SLC15A5: variants seen among roughly 807,000 people sequenced by gnomAD.
The protein encoded by SLC15A5 is solute carrier family 15 member 5, also known as Peptide/histidine transporter ENSP00000340402.
In SLC15A5, 58 loss-of-function variants were observed where a neutral mutation model predicts 56.1. The ratio of observed to expected loss-of-function variants is 1.03; its 90% CI spans 0.84 to 1.29. The LOEUF is 1.29. SLC15A5 is among the 50% of genes most tolerant of loss of function. SLC15A5 has a pLI of 0.00. For synonymous variants in SLC15A5, 264 were observed against 250.5 expected (o/e 1.05, Z -0.51); for missense variants, 681 against 672.1 (o/e 1.01, Z -0.15).
At chr12:16,216,457 T>C (rs1864130336) in intron 7 of SLC15A5, among the ~76,000 whole-genome samples, 1 of 152,186 alleles carries the variant, frequency 6.6e-6, no homozygotes, top group Non-Finnish European at 1.5e-5. Context: ...TCATTTATTA[T>C]TCAATTCACA....
rs1292780441 is a variant in SLC15A5 at position 16,269,244 on chromosome 12, C to T, written c.584+3317G>A. 6.6e-6 allele frequency among the ~76,000 whole-genome samples: 1 copy of T among 152,114 alleles called. No individual in the cohort carries two copies. Among genetic ancestry groups the T allele is most frequent in the African/African-American group, 2.4e-5 (1 of 41,414 alleles). ...ACCTGTCCTCCCAGAAAATTCTGATCCAGGAGGTTCGAGGTGGGACCTGGG... is the reference window on the plus strand; with the variant it reads ...ACCTGTCCTCCCAGAAAATTCTGATTCAGGAGGTTCGAGGTGGGACCTGGG... On this transcript the variant is annotated intron_variant, in intron 2 of 8. Transcript: ENST00000344941. The surrounding 1 kb of genome is among the most constrained non-coding windows in gnomAD (Gnocchi z 4.7).
chr12:16,259,621 G>A (rs1864619245), intron 2 of SLC15A5, among the ~76,000 whole-genome samples: 1 of 152,174 alleles, frequency 6.6e-6, no homozygotes, highest in African/African-American at 2.4e-5. Flanking sequence ...CAGTTTGGTG[G>A]TCATGAACTT....
Position 16,242,596 on chromosome 12 carries a change from G to C in SLC15A5, c.975+1984C>G, listed in dbSNP as rs148059017. Reference sequence around the variant, plus strand: ...TTTTAGAAGCTATGGCACTTAATAGGTGATCAGTAACTATTAGTTTCTGTG... The same window carrying C: ...TTTTAGAAGCTATGGCACTTAATAGCTGATCAGTAACTATTAGTTTCTGTG... On this transcript the variant is annotated intron_variant, in intron 4 of 8. Transcript: ENST00000344941. Among the ~76,000 whole-genome samples, 95 of 152,272 alleles carry C rather than the reference G, an allele frequency of 6.2e-4. 1 individual carries two copies. The highest frequency in any genetic ancestry group is 2.1e-3 in the African/African-American group (87 of 41,558).
intron 7 of SLC15A5, among the ~76,000 whole-genome samples, chr12:16,201,038 T>C (rs1477752078): frequency 6.6e-6 from 1 of 152,154 alleles, no homozygotes; most frequent in African/African-American, 2.4e-5. Flanking sequence ...TAGTTACGCG[T>C]ATGCTATTTT....
At chr12:16,197,966 G>A (rs1366073554) in intron 7 of SLC15A5, among the ~76,000 whole-genome samples, 1 of 152,060 alleles carries the variant, frequency 6.6e-6, no homozygotes, top group Non-Finnish European at 1.5e-5. Context: ...GAAGACTTGA[G>A]GTCTAGAATG....
chr12:16,272,636 C>T lies in SLC15A5; in HGVS notation c.509G>A (p.Arg170Lys). The T allele has an allele frequency of 6.5e-7, 1 of 1,537,052 alleles. No individual in the cohort carries two copies. Among genetic ancestry groups the T allele is most frequent in the South Asian group, 1.2e-5 (1 of 84,056 alleles). ...LTICLGIGGV[R>K]AIVCPLGAFG... ...AGCACCCAGTGGACAGACGATGGCT[C>T]TTACGCCTCCAATGCCAAGGCAAAT... Residue 170 changes from arginine to lysine, a missense_variant, in exon 2 of 9, where the codon AGA becomes AAA. Coordinates refer to ENST00000344941, the MANE Select transcript of SLC15A5 (RefSeq NM_001170798.1).
intron 6 of SLC15A5, among the ~76,000 whole-genome samples, chr12:16,219,856 A>G (rs1864168845): frequency 6.6e-6 from 1 of 152,176 alleles, no homozygotes; most frequent in African/African-American, 2.4e-5. Flanking sequence ...CTATGAAGAC[A>G]CAATAAAAAA....
chr12:16,207,980 C>G (rs1040869956), intron 7 of SLC15A5, among the ~76,000 whole-genome samples: 28 of 152,084 alleles, frequency 1.8e-4, no homozygotes, highest in African/African-American at 6.5e-4. Context: ...CACTTGTCTT[C>G]TAAATCATCT....
chr12:16,198,548 C>T (rs1281772300), intron 7 of SLC15A5, among the ~76,000 whole-genome samples: 1 of 152,068 alleles, frequency 6.6e-6, no homozygotes, highest in Non-Finnish European at 1.5e-5. Flanking sequence ...TGCTGTAGTC[C>T]ACCTCTTGGT....
At chr12:16,232,782 G>A (rs1864310594) in intron 5 of SLC15A5, among the ~76,000 whole-genome samples, 1 of 152,054 alleles carries the variant, frequency 6.6e-6, no homozygotes, top group Non-Finnish European at 1.5e-5. Context: ...TGGGTGTGGT[G>A]GCACATAACT....
chr12:16,199,990 C>G (rs1429896704), intron 7 of SLC15A5, among the ~76,000 whole-genome samples: 1 of 151,860 alleles, frequency 6.6e-6, no homozygotes, highest in Non-Finnish European at 1.5e-5. Flanking sequence ...TAATGGGTCA[C>G]TTTAACTGTA....
chr12:16,201,478 T>TA (rs1271333566), intron 7 of SLC15A5, among the ~76,000 whole-genome samples: 3 of 152,126 alleles, frequency 2.0e-5, no homozygotes, highest in African/African-American at 7.2e-5. Context: ...AACAGGCTGA[T>TA]ATGTTTAGGC....
chr12:16,230,411 CT>C (rs1396966683), intron 5 of SLC15A5, among the ~76,000 whole-genome samples: 18 of 151,768 alleles, frequency 1.2e-4, no homozygotes, highest in Admixed American at 8.5e-4. Context: ...TTACTGAGCT[CT>C]TTTTTTTGTC....
chr12:16,219,455 T>A lies in SLC15A5; in HGVS notation c.1352-2431A>T, dbSNP rs539469896. ...GGAGACAAGCAATGAGCAGAAAGAGTAAGTAGGCCTATTTCTTTCACTAAG... is the reference window on the plus strand; with the variant it reads ...GGAGACAAGCAATGAGCAGAAAGAGAAAGTAGGCCTATTTCTTTCACTAAG... On this transcript the variant is annotated intron_variant, in intron 6 of 8. Transcript: ENST00000344941. Among the ~76,000 whole-genome samples, 13 of 152,194 alleles carry A rather than the reference T, an allele frequency of 8.5e-5. No homozygotes were observed. The South Asian group carries it at 2.7e-3, about 32-fold the overall frequency.
intron 2 of SLC15A5, among the ~76,000 whole-genome samples, chr12:16,264,907 G>T (rs1864678964): frequency 2.0e-5 from 3 of 152,116 alleles, no homozygotes; most frequent in Admixed American, 1.3e-4. Context: ...AAATTTCCTA[G>T]TCTTGGGTAT....
At chr12:16,257,032 A>G (rs1435017783) in intron 3 of SLC15A5, among the ~76,000 whole-genome samples, 1 of 152,024 alleles carries the variant, frequency 6.6e-6, no homozygotes, top group African/African-American at 2.4e-5. Context: ...CAAAAAAACA[A>G]ATTTCAAAAA....
chr12:16,191,250 C>A (rs1863835814), intron 8 of SLC15A5, among the ~76,000 whole-genome samples: 1 of 151,946 alleles, frequency 6.6e-6, no homozygotes. Context: ...TCCCAGTAAC[C>A]CTCACAAGAT....
chr12:16,261,589 C>G (rs1303609189), intron 2 of SLC15A5, among the ~76,000 whole-genome samples: 2 of 152,076 alleles, frequency 1.3e-5, no homozygotes, highest in African/African-American at 2.4e-5. Flanking sequence ...TTGGTTAAAA[C>G]CTAGGAGTGT....
At chr12:16,234,754 T>C (rs1864330898) in intron 5 of SLC15A5, among the ~76,000 whole-genome samples, 1 of 152,192 alleles carries the variant, frequency 6.6e-6, no homozygotes, top group East Asian at 1.9e-4. Context: ...TAGTCTACAA[T>C]GAAATAAAAG....
Sources: allele counts gnomAD v4.1 joint callset (sites outside exome capture counted in the v4.1 genomes callset), GRCh38; gene constraint gnomAD v4.1.1; non-coding constraint Gnocchi (gnomAD v3.1); transcripts MANE v1.5; gene names NCBI Gene and HGNC (gene_info 2026-07-23, HGNC 2026-07-21).